Variants in CWC22 observed in about 807,000 individuals in gnomAD.
CWC22 encodes CWC22 spliceosome associated protein, also known as pre-mRNA-splicing factor CWC22 homolog.
In CWC22, 53 loss-of-function variants were observed where a neutral mutation model predicts 117.2. The ratio of observed to expected loss-of-function variants is 0.45; its 90% CI spans 0.36 to 0.57. The LOEUF (loss-of-function observed/expected upper bound fraction) is 0.57, where lower values mean the gene tolerates loss of function less well. CWC22 is among the 20% of genes least tolerant of loss of function. The pLI, the probability that CWC22 is intolerant of heterozygous loss-of-function variation, is 0.00. For missense variants in CWC22, 980 were observed against 1,068.8 expected (o/e 0.92, Z 1.16); for synonymous variants, 360 against 355.6 (o/e 1.01, Z -0.14).
intron 11 of CWC22, among the ~76,000 whole-genome samples, chr2:179,969,362 CA>C (rs975449189): frequency 6.6e-6 from 1 of 152,166 alleles, no homozygotes; most frequent in African/African-American, 2.4e-5. Flanking sequence ...AGGAAATCAG[CA>C]TCTAAGAAGA....
intron 2 of CWC22, 66 bp from the exon 3 acceptor site, chr2:179,988,710 C>T (rs1004521372): frequency 1.6e-5 from 13 of 804,714 alleles, no homozygotes; most frequent in African/African-American, 8.9e-5. Context: ...GACTGAAATA[C>T]ATGGCTTAGA....
Position 179,986,758 on chromosome 2 carries a change from T to G in CWC22, c.143A>C (p.Tyr48Ser). The G allele has an allele frequency of 6.2e-7, 1 of 1,609,034 alleles. No individual in the cohort carries two copies. The highest frequency in any genetic ancestry group is 8.5e-7 in the Non-Finnish European group (1 of 1,177,116). Residue 48 changes from tyrosine (Y) to serine (S), a missense_variant, in exon 4 of 20, where the codon TAC becomes TCC. By Grantham distance (144) the Tyr-to-Ser change is moderately radical. This residue lies in a region of CWC22 where 559 missense variants were observed against 602.3 expected (regional missense o/e 0.93). Coordinates refer to ENST00000410053, the MANE Select transcript of CWC22 (RefSeq NM_020943.3). Reference protein sequence around the residue: ...RSPRDRDYFDYSRSDYEHSRR... With the variant: ...RSPRDRDYFDSSRSDYEHSRR... ...TGAATGCTCATAGTCTGATCTGCTG[T>G]AATCAAAGTAATCTCTATCCCGGGG...
Position 179,986,699 on chromosome 2 carries a change from A to G in CWC22, c.202T>C (p.Ser68Pro). ...TTAGAAATTCCCAACACTAACCGTG[A>G]CTCCATGCTACTATCATAAGAACGT... is the stretch of plus-strand genomic sequence containing the variant. Reference protein sequence around the residue: ...RGRSYDSSMESRNRDREKRRE... With the variant: ...RGRSYDSSMEPRNRDREKRRE... Residue 68 changes from serine to proline, a missense_variant, in exon 4 of 20, where the codon TCA (serine) becomes CCA (proline). Physicochemically the swap from Ser to Pro is moderately conservative, Grantham distance 74. Around this residue, in one of 3 missense-constraint regions of CWC22, gnomAD observed 559 missense variants for 602.3 expected, o/e 0.93. Coordinates refer to ENST00000410053, the MANE Select transcript of CWC22 (RefSeq NM_020943.3). 1 of 1,554,012 alleles carries G rather than the reference A, an allele frequency of 6.4e-7. No homozygotes were observed. Among genetic ancestry groups the G allele is most frequent in the Non-Finnish European group, 8.8e-7 (1 of 1,130,770 alleles).
Position 180,006,866 on chromosome 2 carries a change from C to A in CWC22, c.-114+1G>T, listed in dbSNP as rs1357339038. The A allele has an allele frequency of 1.3e-5, 2 of 152,562 alleles. No homozygotes were observed. Among genetic ancestry groups the A allele is most frequent in the African/African-American group, 4.8e-5 (2 of 41,478 alleles). 9.5% of individuals were successfully genotyped at this position (152,562 alleles called of 1,614,324 possible). ...TTCATGGCAGCCCATTCCCTCCCCACCTGCTTGGACCTAGCCGCTCTCACA... is the reference window on the plus strand; with the variant it reads ...TTCATGGCAGCCCATTCCCTCCCCAACTGCTTGGACCTAGCCGCTCTCACA... On this transcript the variant is annotated splice_donor_variant, in intron 1 of 19. Coordinates refer to ENST00000410053, the MANE Select transcript of CWC22 (RefSeq NM_020943.3). LOFTEE classifies it low-confidence loss of function (5UTR_SPLICE).
chr2:179,957,314 G>T (rs369759850), intron 14 of CWC22, among the ~76,000 whole-genome samples: 4 of 152,156 alleles, frequency 2.6e-5, no homozygotes, highest in South Asian at 4.1e-4. Flanking sequence ...CATTTAAAAA[G>T]ATAATTTTTT....
At chr2:179,987,234 C>T (rs1177031212) in intron 3 of CWC22, among the ~76,000 whole-genome samples, 2 of 152,258 alleles carry the variant, frequency 1.3e-5, no homozygotes, top group East Asian at 3.9e-4. Flanking sequence ...ACCAAAAGAC[C>T]ATATTCATCA....
chr2:179,986,603 G>A (rs1687424766), intron 4 of CWC22, 92 bp downstream of exon 4: 1 of 660,428 alleles, frequency 1.5e-6, no homozygotes, highest in Non-Finnish European at 2.6e-6. Flanking sequence ...ATTAATGTTA[G>A]CTAGTATTAT....
intron 6 of CWC22, among the ~76,000 whole-genome samples, chr2:179,974,415 T>G (rs1056312374): frequency 1.3e-5 from 2 of 152,218 alleles, no homozygotes; most frequent in African/African-American, 4.8e-5. Flanking sequence ...ATGGTCATGT[T>G]TCTATATGCA....
At chr2:179,958,872 G>C in intron 14 of CWC22, 150 bp downstream of exon 14, 1 of 525,562 alleles carries the variant, frequency 1.9e-6, no homozygotes, top group South Asian at 3.1e-5. Context: ...CCTAAGCTTT[G>C]TGTTAACTTA....
chr2:179,986,633 G>T, intron 4 of CWC22, 62 bp downstream of exon 4: 1 of 923,024 alleles, frequency 1.1e-6, no homozygotes. Context: ...TATTACAAAT[G>T]TAGCATAAAG....
intron 19 of CWC22, among the ~76,000 whole-genome samples, chr2:179,946,466 G>GT (rs1559282496): frequency 1.0e-5 from 1 of 100,262 alleles, no homozygotes; most frequent in Non-Finnish European, 1.9e-5. Flanking sequence ...AAAAAAAAAG[G>GT]GGGGGGGGGA....
intron 1 of CWC22, among the ~76,000 whole-genome samples, chr2:179,993,942 A>G (rs1165997782): frequency 6.6e-6 from 1 of 152,188 alleles, no homozygotes; most frequent in Non-Finnish European, 1.5e-5. Context: ...CCACATAGAA[A>G]TTTAAGGTGC....
At position 179,950,557 on chromosome 2, in the gene CWC22, C is replaced by T; in HGVS notation, c.2095G>A (p.Glu699Lys). ...CTGATGGATGAAGAGTCGCTCTCTTCACTGGAAGACTCTGAACTGCTATCA... is the reference window on the plus strand; with the variant it reads ...CTGATGGATGAAGAGTCGCTCTCTTTACTGGAAGACTCTGAACTGCTATCA... ...SSDSSSESSSEESDSSSISSH... is the reference protein window; with the variant it reads ...SSDSSSESSSKESDSSSISSH... Residue 699 changes from glutamate (E) to lysine (K), a missense_variant, in exon 19 of 20, where the codon GAA becomes AAA. This residue lies in a region of CWC22 where 306 missense variants were observed against 296.8 expected (regional missense o/e 1.03). Coordinates refer to ENST00000410053, the MANE Select transcript of CWC22 (RefSeq NM_020943.3). 2 of 1,613,106 alleles carry T rather than the reference C, an allele frequency of 1.2e-6. No homozygotes were observed. The highest frequency in any genetic ancestry group is 1.7e-4 in the Middle Eastern group (1 of 6,048).
chr2:179,993,421 T>C lies in CWC22; in HGVS notation c.-80A>G, dbSNP rs1161303338. 6.0e-6 allele frequency: 6 copies of C among 1,002,392 alleles called. No homozygotes were observed. Among genetic ancestry groups the C allele is most frequent in the Non-Finnish European group, 9.2e-6 (6 of 650,958 alleles). 62.1% of individuals were successfully genotyped at this position (1,002,392 alleles called of 1,614,324 possible). ...ACAAGTACCCAATGCTCTGAATTCC[T>C]TGACAGTTTACTTTTTCTGTCTGCA... On this transcript the variant is annotated 5_prime_UTR_variant, in exon 2 of 20. Transcript: ENST00000410053.
At chr2:179,954,099 T>G (rs1686522911) in intron 16 of CWC22, 106 bp downstream of exon 16, 3 of 766,716 alleles carry the variant, frequency 3.9e-6, no homozygotes, top group Non-Finnish European at 6.0e-6. Flanking sequence ...ACACATTTCA[T>G]TTTAAAGCAC....
chr2:179,967,987 T>A (rs776740219), intron 11 of CWC22, among the ~76,000 whole-genome samples: 1 of 152,214 alleles, frequency 6.6e-6, no homozygotes, highest in Non-Finnish European at 1.5e-5. Context: ...TTGAAAAACC[T>A]ATATCCATCT....
At chr2:179,986,845 A>C in intron 3 of CWC22, 40 bp from the exon 4 acceptor site, 2 of 1,117,344 alleles carry the variant, frequency 1.8e-6, no homozygotes, top group Non-Finnish European at 1.3e-6. Context: ...AATTAAAAAC[A>C]ACTATGTTAT....
intron 19 of CWC22, among the ~76,000 whole-genome samples, chr2:179,949,101 A>T (rs1205277008): frequency 6.6e-6 from 1 of 152,214 alleles, no homozygotes; most frequent in East Asian, 1.9e-4. Flanking sequence ...AACAAGTACT[A>T]GAGGGGCCAA....
Position 179,945,039 on chromosome 2 carries a change from T to C in CWC22, c.*90A>G. ...TTTACAAATACAAACCAATACTTTATACAAGAATTCTCTATAAAGTTCGTC... is the reference window on the plus strand; with the variant it reads ...TTTACAAATACAAACCAATACTTTACACAAGAATTCTCTATAAAGTTCGTC... On this transcript the variant is annotated 3_prime_UTR_variant, in exon 20 of 20. Coordinates refer to ENST00000410053, the MANE Select transcript of CWC22 (RefSeq NM_020943.3). 1 of 861,016 alleles carries C rather than the reference T, an allele frequency of 1.2e-6. No individual in the cohort carries two copies. Among genetic ancestry groups the C allele is most frequent in the Non-Finnish European group, 1.7e-6 (1 of 578,618 alleles). 53.3% of individuals were successfully genotyped at this position (861,016 alleles called of 1,614,324 possible). A position where few individuals can be genotyped will look rare whatever the true frequency, so the allele number is the denominator to read the frequency against.
Sources: gnomAD v4.1 joint callset for allele counts (sites outside exome capture counted in the v4.1 genomes callset) on GRCh38, gnomAD v4.1.1 for gene constraint, gnomAD v4.1.1 regional missense constraint, MANE v1.5 for transcripts, NCBI Gene and HGNC (gene_info 2026-07-23, HGNC 2026-07-21) for gene names.